MAP3K10: variants seen among roughly 807,000 people sequenced by gnomAD.
The protein encoded by MAP3K10 is mitogen-activated protein kinase kinase kinase 10, also known as MKN28 derived nonreceptor_type serine/threonine kinase.
In MAP3K10, 22 loss-of-function variants were observed where a neutral mutation model predicts 75.0. That is an observed-to-expected ratio of 0.29 (90% CI 0.21 to 0.42). MAP3K10 has a LOEUF of 0.42. Among genes scored for constraint, MAP3K10 ranks in the 10% least tolerant of loss-of-function variants. The pLI, the probability that MAP3K10 is intolerant of heterozygous loss-of-function variation, is 1.00. For synonymous variants in MAP3K10, 599 were observed against 612.9 expected (o/e 0.98, Z 0.34); for missense variants, 1,165 against 1,379.8 (o/e 0.84, Z 2.47).
rs1183806257 is a variant in MAP3K10 at position 40,192,966 on chromosome 19, A to G, written c.682+253A>G. 6.6e-6 allele frequency among the ~76,000 whole-genome samples: 1 copy of G among 152,172 alleles called. No homozygotes were observed. The highest frequency in any genetic ancestry group is 1.5e-5 in the Non-Finnish European group (1 of 68,034). On this transcript the variant is annotated intron_variant, in intron 1 of 9. Coordinates refer to ENST00000253055, the MANE Select transcript of MAP3K10 (RefSeq NM_002446.4). This position sits in a 1 kb window ranked among gnomAD's most constrained non-coding sequence, Gnocchi z 7.1. ...ACAATCGCTCAGTAAACATGTATCCATGAACACCTGCGTTCCCTGCATGAA... is the reference window on the plus strand; with the variant it reads ...ACAATCGCTCAGTAAACATGTATCCGTGAACACCTGCGTTCCCTGCATGAA...
At chr19:40,201,174 GTT>G (rs1175595813) in intron 2 of MAP3K10, among the ~76,000 whole-genome samples, 7 of 130,328 alleles carry the variant, frequency 5.4e-5, no homozygotes, top group Non-Finnish European at 8.4e-5. Flanking sequence ...AGCGTTTTTT[GTT>G]TTTTTTTTTT....
Position 40,213,029 on chromosome 19 carries a change from C to A in MAP3K10, c.1725-47C>A, listed in dbSNP as rs754830399. 2 of 1,595,356 alleles carry A rather than the reference C, an allele frequency of 1.3e-6. No individual in the cohort carries two copies. The highest frequency in any genetic ancestry group is 2.3e-5 in the South Asian group (2 of 88,416). ...CTGTGCCCAAGCCCCAGCTCCCAGG[C>A]TCCAGGCCACAGGACTGAGGTCTCC... is the stretch of plus-strand genomic sequence containing the variant. On this transcript the variant is annotated intron_variant, in intron 7 of 9. Coordinates refer to ENST00000253055, the MANE Select transcript of MAP3K10 (RefSeq NM_002446.4). The surrounding 1 kb of genome is among the most constrained non-coding windows in gnomAD (Gnocchi z 5.7).
chr19:40,201,358 AT>A (rs201398718), intron 2 of MAP3K10, among the ~76,000 whole-genome samples: 1 of 149,466 alleles, frequency 6.7e-6, no homozygotes. Context: ...TTATTTATTT[AT>A]TTTTTTTAAT....
Position 40,213,481 on chromosome 19 carries a change from GC to G in MAP3K10, c.1838-33del. ...ACAAGTCCCCGTGGGGCCCTGGCCAGCCCTGCAGCGGAGTGATGGCCCTCTC... is the reference window on the plus strand; with the variant it reads ...ACAAGTCCCCGTGGGGCCCTGGCCAGCCTGCAGCGGAGTGATGGCCCTCTC... On this transcript the variant is annotated intron_variant, in intron 8 of 9. Coordinates refer to ENST00000253055, the MANE Select transcript of MAP3K10 (RefSeq NM_002446.4). This position sits in a 1 kb window ranked among gnomAD's most constrained non-coding sequence, Gnocchi z 5.7. The G allele has an allele frequency of 6.2e-7, 1 of 1,605,030 alleles. No individual in the cohort carries two copies.
At chr19:40,194,517 C>T (rs1972872223) in intron 1 of MAP3K10, among the ~76,000 whole-genome samples, 1 of 152,194 alleles carries the variant, frequency 6.6e-6, no homozygotes, top group African/African-American at 2.4e-5. Flanking sequence ...CCCTTCCTCA[C>T]CTCTGCTGAT....
In MAP3K10 at chr19:40,213,618, GGGGCGC is replaced by G; in HGVS notation, c.1946_1951del (p.Arg649_Ala650del). ...GCCACTGCCTGCCGAGCCCTCCCCG[GGGGCGC>G]GGGCGCCGTGGGAGCCGACGCCGTC... On this transcript the variant is annotated inframe_deletion, in exon 9 of 10. Coordinates refer to ENST00000253055, the MANE Select transcript of MAP3K10 (RefSeq NM_002446.4). This position sits in a 1 kb window ranked among gnomAD's most constrained non-coding sequence, Gnocchi z 5.7. 2.6e-6 allele frequency: 4 copies of G among 1,557,882 alleles called. No homozygotes were observed. The highest frequency in any genetic ancestry group is 3.5e-6 in the Non-Finnish European group (4 of 1,155,186).
chr19:40,191,898 GC>G lies in MAP3K10; in HGVS notation c.-130del, dbSNP rs1398326720. On this transcript the variant is annotated 5_prime_UTR_variant, in exon 1 of 10. Coordinates refer to ENST00000253055, the MANE Select transcript of MAP3K10 (RefSeq NM_002446.4). Reference sequence around the variant, plus strand: ...TTTTTTTCTTGCTCCTGCGGAGGGCGCCCCAGCCATGGCCCTCAGGAGCTCC... The same window carrying G: ...TTTTTTTCTTGCTCCTGCGGAGGGCGCCCAGCCATGGCCCTCAGGAGCTCC... The G allele has an allele frequency of 1.5e-5, 7 of 476,828 alleles. No homozygotes were observed. Among genetic ancestry groups the G allele is most frequent in the Non-Finnish European group, 2.1e-5 (6 of 282,788 alleles). The allele number at this position is 476,828 out of a possible 1,614,324, so 29.5% of individuals were successfully genotyped here.
Position 40,204,684 on chromosome 19 carries a change from C to T in MAP3K10, c.1012+51C>T. 1 of 1,588,168 alleles carries T rather than the reference C, an allele frequency of 6.3e-7. No individual in the cohort carries two copies. Among genetic ancestry groups the T allele is most frequent in the Non-Finnish European group, 8.6e-7 (1 of 1,165,940 alleles). ...TAGGCTCAGCTTGGAGTGGCAGGGA[C>T]CTGTGGGCCCAGACCTTTCCCCTTC... is the stretch of plus-strand genomic sequence containing the variant. On this transcript the variant is annotated intron_variant, in intron 3 of 9. Coordinates refer to ENST00000253055, the MANE Select transcript of MAP3K10 (RefSeq NM_002446.4). This position sits in a 1 kb window ranked among gnomAD's most constrained non-coding sequence, Gnocchi z 4.3.
chr19:40,210,919 A>C (rs374688785), intron 6 of MAP3K10, among the ~76,000 whole-genome samples: 1 of 152,186 alleles, frequency 6.6e-6, no homozygotes, highest in Non-Finnish European at 1.5e-5. Context: ...CTCTTTACTC[A>C]GTCCACTGAT....
chr19:40,192,001 G>T lies in MAP3K10; in HGVS notation c.-31G>T. 1.5e-6 allele frequency: 2 copies of T among 1,359,146 alleles called. No individual in the cohort carries two copies. Among genetic ancestry groups the T allele is most frequent in the Non-Finnish European group, 1.9e-6 (2 of 1,045,928 alleles). 84.2% of individuals were successfully genotyped at this position (1,359,146 alleles called of 1,614,324 possible). On this transcript the variant is annotated 5_prime_UTR_variant, in exon 1 of 10. Transcript: ENST00000253055. The surrounding 1 kb of genome is among the most constrained non-coding windows in gnomAD (Gnocchi z 7.1). ...GCATCCCGCGGGCAGCCTGTGTGAA[G>T]CGGCCTCCCGCAGCCCCCGGCCCCT... is the stretch of plus-strand genomic sequence containing the variant.
At position 40,212,513 on chromosome 19, in the gene MAP3K10, G is replaced by T. The variant is rs1231677750; in HGVS notation, c.1553-292G>T. Reference sequence around the variant, plus strand: ...CCAGAGCTGGAGACCAGAAGCGCAGGCAGCCCGCCAGAATGAATGGTGAAG... The same window carrying T: ...CCAGAGCTGGAGACCAGAAGCGCAGTCAGCCCGCCAGAATGAATGGTGAAG... On this transcript the variant is annotated intron_variant, in intron 6 of 9. Transcript: ENST00000253055. The surrounding 1 kb of genome is among the most constrained non-coding windows in gnomAD (Gnocchi z 4.2). Among the ~76,000 whole-genome samples, 1 of 152,210 alleles carries T rather than the reference G, an allele frequency of 6.6e-6. No homozygotes were observed. The highest frequency in any genetic ancestry group is 2.4e-5 in the African/African-American group (1 of 41,454).
rs1031818084 is a variant in MAP3K10 at position 40,192,050 on chromosome 19, G to T, written c.19G>T (p.Ala7Ser). The change falls in exon 1 of 10, where the codon GCG becomes TCG. Residue 7 changes from alanine to serine, a missense_variant. This residue lies in a region of MAP3K10 where 575 missense variants were observed against 793.2 expected (regional missense o/e 0.72). Transcript: ENST00000253055. The surrounding 1 kb of genome is among the most constrained non-coding windows in gnomAD (Gnocchi z 7.1). Reference protein sequence around the residue: MEEEEGAVAKEWGTTPA... With the variant: MEEEEGSVAKEWGTTPA... Reference sequence around the variant, plus strand: ...CTCCCCCATGGAGGAGGAGGAGGGGGCGGTGGCCAAGGAGTGGGGCACGAC... The same window carrying T: ...CTCCCCCATGGAGGAGGAGGAGGGGTCGGTGGCCAAGGAGTGGGGCACGAC... 11 of 1,447,026 alleles carry T rather than the reference G, an allele frequency of 7.6e-6. No individual in the cohort carries two copies. The African/African-American group carries it at 1.5e-4, about 19-fold the overall frequency. 89.6% of individuals were successfully genotyped at this position (1,447,026 alleles called of 1,614,324 possible).
chr19:40,210,005 C>T (rs67322193), intron 6 of MAP3K10, among the ~76,000 whole-genome samples: 58,868 of 151,804 alleles, frequency 0.39, 14,013 homozygotes, highest in South Asian at 0.61. Context: ...CGGTGGCTCA[C>T]GCCTGTAATT....
chr19:40,198,992 C>A lies in MAP3K10; in HGVS notation c.863+437C>A, dbSNP rs68037210. 4.6e-5 allele frequency among the ~76,000 whole-genome samples: 7 copies of A among 152,200 alleles called. No individual in the cohort carries two copies. The highest frequency in any genetic ancestry group is 8.8e-5 in the Non-Finnish European group (6 of 68,016). ...CTGAGGCAGGAGAATCACTTGAGGCCGGGAGGCAGAGATTGCAGTGGGCTG... is the reference window on the plus strand; with the variant it reads ...CTGAGGCAGGAGAATCACTTGAGGCAGGGAGGCAGAGATTGCAGTGGGCTG... On this transcript the variant is annotated intron_variant, in intron 2 of 9. Coordinates refer to ENST00000253055, the MANE Select transcript of MAP3K10 (RefSeq NM_002446.4). The surrounding 1 kb of genome is among the most constrained non-coding windows in gnomAD (Gnocchi z 4.3).
Position 40,214,018 on chromosome 19 carries a change from CGCCCGCGCCCA to C in MAP3K10, c.2340_2350del (p.Pro781ThrfsTer67). The C allele has an allele frequency of 6.6e-7, 1 of 1,508,048 alleles. No individual in the cohort carries two copies. 93.4% of individuals were successfully genotyped at this position (1,508,048 alleles called of 1,614,324 possible). A position where few individuals can be genotyped will look rare whatever the true frequency, so the allele number is the denominator to read the frequency against. On this transcript the variant is annotated frameshift_variant, in exon 9 of 10. Coordinates refer to ENST00000253055, the MANE Select transcript of MAP3K10 (RefSeq NM_002446.4). LOFTEE classifies it high-confidence loss of function. ...GCCGCGCCCTCCCCACCACCCTCCC[CGCCCGCGCCCA>C]CACCCACGCCCTCGCCCAGCACCAA...
chr19:40,213,566 C>T lies in MAP3K10; in HGVS notation c.1887C>T (p.Pro629=). Reference sequence around the variant, plus strand: ...GAGGCAGCAGCGTGCCCCCTTCCCCCTACTCGACCCCGTCCTACCTCTCAG... The same window carrying T: ...GAGGCAGCAGCGTGCCCCCTTCCCCTTACTCGACCCCGTCCTACCTCTCAG... ...EDGGSSVPPS[P]YSTPSYLSVP... The change falls in exon 9 of 10, where the codon CCC becomes CCT. Residue 629 remains proline (P), a synonymous_variant. Transcript: ENST00000253055. The surrounding 1 kb of genome is among the most constrained non-coding windows in gnomAD (Gnocchi z 5.7). 3 of 1,611,254 alleles carry T rather than the reference C, an allele frequency of 1.9e-6. No individual in the cohort carries two copies. Among genetic ancestry groups the T allele is most frequent in the Non-Finnish European group, 2.5e-6 (3 of 1,179,082 alleles).
intron 2 of MAP3K10, among the ~76,000 whole-genome samples, chr19:40,201,795 T>G (rs1391397961): frequency 1.0e-5 from 1 of 96,766 alleles, no homozygotes; most frequent in South Asian, 3.0e-4. Context: ...ACACGCCAGC[T>G]TTTTTTTTTT....
intron 1 of MAP3K10, among the ~76,000 whole-genome samples, chr19:40,194,651 G>A (rs1415077720): frequency 2.0e-5 from 3 of 152,152 alleles, no homozygotes; most frequent in Non-Finnish European, 4.4e-5. Context: ...CAGAAACAGA[G>A]GACACAGCGC....
Position 40,206,045 on chromosome 19 carries a change from C to T in MAP3K10, c.1323C>T (p.Leu441=), listed in dbSNP as rs1973114369. Residue 441 remains leucine (L), a synonymous_variant, in exon 5 of 10, where the codon CTC becomes CTT. Transcript: ENST00000253055. ...MDIVERELHL[L]MCQLSQEKPR... ...TCGTGGAACGGGAGCTGCACCTGCTCATGTGCCAGCTGAGCCAGGAGAAGC... is the reference window on the plus strand; with the variant it reads ...TCGTGGAACGGGAGCTGCACCTGCTTATGTGCCAGCTGAGCCAGGAGAAGC... 9 of 1,613,330 alleles carry T rather than the reference C, an allele frequency of 5.6e-6. No homozygotes were observed. Among genetic ancestry groups the T allele is most frequent in the Admixed American group, 3.3e-5 (2 of 59,948 alleles).
Sources: gnomAD v4.1 joint callset for allele counts (sites outside exome capture counted in the v4.1 genomes callset) on GRCh38, gnomAD v4.1.1 for gene constraint, gnomAD v4.1.1 regional missense constraint, Gnocchi (gnomAD v3.1) non-coding constraint, MANE v1.5 for transcripts, NCBI Gene and HGNC (gene_info 2026-07-23, HGNC 2026-07-21) for gene names.